Variants in SERPINB11 observed in about 807,000 individuals in gnomAD.
SERPINB11 encodes serpin B11.
SERPINB11 carries 32 observed loss-of-function variants against 36.7 expected under a neutral mutation model. The observed-to-expected ratio is 0.87, with a 90% CI of 0.66 to 1.17. The LOEUF is 1.17. Among genes scored for constraint, SERPINB11 ranks in the 50% most tolerant of loss-of-function variants. The pLI is 0.00. For synonymous variants in SERPINB11, 174 were observed against 168.1 expected, an observed-to-expected ratio of 1.04 and a Z score of -0.27; for missense variants, 528 against 458.4, an observed-to-expected ratio of 1.15 and a Z score of -1.39.
intron 4 of SERPINB11, among the ~76,000 whole-genome samples, chr18:63,715,626 CA>C (rs1363046562): frequency 1.3e-5 from 2 of 152,154 alleles, no homozygotes; most frequent in African/African-American, 4.8e-5. Context: ...TGTTAGACCT[CA>C]GAAAAGCAAG....
chr18:63,711,893 G>C (rs956820476), intron 3 of SERPINB11, among the ~76,000 whole-genome samples: 3 of 152,054 alleles, frequency 2.0e-5, no homozygotes, highest in Admixed American at 2.0e-4. Flanking sequence ...GTTTGATTAC[G>C]ATTGGTTGAG....
chr18:63,708,450 G>A (rs943886749), intron 1 of SERPINB11, among the ~76,000 whole-genome samples: 1 of 152,100 alleles, frequency 6.6e-6, no homozygotes, highest in South Asian at 2.1e-4. Context: ...TTCCAAAGAT[G>A]GGGAAAACAG....
chr18:63,708,827 A>G (rs1417916955), intron 1 of SERPINB11, among the ~76,000 whole-genome samples: 1 of 152,196 alleles, frequency 6.6e-6, no homozygotes, highest in Non-Finnish European at 1.5e-5. Context: ...AAGAGGCTCA[A>G]GATCTGAATT....
At position 63,720,818 on chromosome 18, in the gene SERPINB11, T is replaced by C. The variant is rs7239229; in HGVS notation, c.619-13T>C. The C allele has an allele frequency of 0.31, 477,659 of 1,535,726 alleles. 79,734 individuals are homozygous for C. Among genetic ancestry groups the C allele is most frequent in the East Asian group, 0.59 (23,996 of 40,854 alleles). On this transcript the variant is annotated splice_polypyrimidine_tract_variant and intron_variant, in intron 6 of 7. Coordinates refer to ENST00000544088, the MANE Select transcript of SERPINB11 (RefSeq NM_001370475.1). Reference sequence around the variant, plus strand: ...CATATGTAAGTATACTATAATCTTTTTCTTCTTAACAGGGTAAAAATGTAA... The same window carrying C: ...CATATGTAAGTATACTATAATCTTTCTCTTCTTAACAGGGTAAAAATGTAA...
intron 2 of SERPINB11, 117 bp downstream of exon 2, chr18:63,710,478 A>G (rs1356615794): frequency 2.8e-6 from 2 of 726,260 alleles, no homozygotes; most frequent in African/African-American, 3.6e-5. Flanking sequence ...AGAGAGAAAA[A>G]ACACATTGAA....
At chr18:63,713,107 T>G (rs1430420845) in intron 4 of SERPINB11, among the ~76,000 whole-genome samples, 1 of 152,192 alleles carries the variant, frequency 6.6e-6, no homozygotes, top group East Asian at 1.9e-4. Flanking sequence ...TATATAACTT[T>G]GGGCAAGTCA....
chr18:63,702,540 G>T (rs972855859), upstream of SERPINB11, among the ~76,000 whole-genome samples: 4 of 152,092 alleles, frequency 2.6e-5, no homozygotes, highest in Non-Finnish European at 2.9e-5. Flanking sequence ...GCAGTGAGCT[G>T]AGATCACACC....
intron 5 of SERPINB11, among the ~76,000 whole-genome samples, chr18:63,716,711 G>A (rs938908047): frequency 2.5e-4 from 38 of 151,666 alleles, no homozygotes; most frequent in African/African-American, 2.2e-4. Flanking sequence ...TAATACAACC[G>A]CTACAATTCA....
intron 1 of SERPINB11, chr18:63,705,863 T>A (rs933065332): frequency 6.6e-6 from 1 of 152,230 alleles, no homozygotes; most frequent in Non-Finnish European, 1.5e-5. Context: ...GAAGAGCAAC[T>A]GACTTGGATA....
intron 7 of SERPINB11, 130 bp downstream of exon 7, chr18:63,721,116 G>T: frequency 2.2e-6 from 2 of 904,476 alleles, no homozygotes; most frequent in South Asian, 1.8e-5. Context: ...TAGTAGGATT[G>T]TCCCGGGGGT....
chr18:63,715,920 G>A, intron 4 of SERPINB11, 115 bp from the exon 5 acceptor site: 1 of 592,342 alleles, frequency 1.7e-6, no homozygotes, highest in Non-Finnish European at 3.0e-6. Context: ...TCTCAGACTT[G>A]TTTATGGGAA....
intron 7 of SERPINB11, among the ~76,000 whole-genome samples, 154 bp from the exon 8 acceptor site, chr18:63,722,841 G>A (rs1235094515): frequency 6.6e-6 from 1 of 152,100 alleles, no homozygotes; most frequent in East Asian, 1.9e-4. Context: ...TGTGGCTAAT[G>A]GTATGATTTT....
rs1468197277 is a variant in SERPINB11, at chr18:63,710,237, T to G, written c.44T>G (p.Val15Gly). Residue 15 changes from valine to glycine, a missense_variant, in exon 2 of 8, where the codon GTG (valine) becomes GGG (glycine). Val to Gly is a moderately radical substitution (Grantham distance 109). Coordinates refer to ENST00000544088, the MANE Select transcript of SERPINB11 (RefSeq NM_001370475.1). ...STANVEFCLD[V>G]FKELNSNNIG... The stretch of plus-strand genomic sequence containing the variant: ...GCTAACGTTGAATTTTGCCTTGATG[T>G]GTTCAAAGAGCTGAACAGTAACAAC... 1 of 1,613,146 alleles carries G rather than the reference T, an allele frequency of 6.2e-7. No individual in the cohort carries two copies. Among genetic ancestry groups the G allele is most frequent in the East Asian group, 2.2e-5 (1 of 44,798 alleles).
chr18:63,721,482 C>T (rs1198337949), intron 7 of SERPINB11, among the ~76,000 whole-genome samples: 4 of 152,158 alleles, frequency 2.6e-5, no homozygotes, highest in Admixed American at 2.0e-4. Flanking sequence ...TGGATCCAAC[C>T]CCCTTTCCCC....
intron 4 of SERPINB11, among the ~76,000 whole-genome samples, chr18:63,714,716 C>T (rs933764727): frequency 2.4e-4 from 37 of 152,086 alleles, no homozygotes; most frequent in African/African-American, 7.0e-4. Context: ...CCCTGAACAT[C>T]GCTGTTATCC....
intron 4 of SERPINB11, among the ~76,000 whole-genome samples, chr18:63,715,002 A>C (rs1914630295): frequency 6.6e-6 from 1 of 152,182 alleles, no homozygotes; most frequent in Admixed American, 6.5e-5. Context: ...AATTTGAGGA[A>C]CTAATAAATG....
At chr18:63,719,924 A>C in intron 5 of SERPINB11, 89 bp from the exon 6 acceptor site, 1 of 1,087,896 alleles carries the variant, frequency 9.2e-7, no homozygotes, top group Non-Finnish European at 1.3e-6. Context: ...AGTCTTAAAA[A>C]AGAAATGGCT....
At position 63,710,255 on chromosome 18, in the gene SERPINB11, G is replaced by A. The variant is rs964077675; in HGVS notation, c.62G>A (p.Ser21Asn). The A allele has an allele frequency of 1.4e-5, 22 of 1,613,568 alleles. No individual in the cohort carries two copies. The highest frequency in any genetic ancestry group is 1.7e-5 in the Admixed American group (1 of 59,978). ...CTTGATGTGTTCAAAGAGCTGAACA[G>A]TAACAACATAGGAGATAACATCTTC... Reference protein sequence around the residue: ...FCLDVFKELNSNNIGDNIFFS... With the variant: ...FCLDVFKELNNNNIGDNIFFS... Residue 21 changes from serine (S) to asparagine (N), a missense_variant, in exon 2 of 8, where the codon AGT becomes AAT. Ser to Asn is a conservative substitution (Grantham distance 46). Coordinates refer to ENST00000544088, the MANE Select transcript of SERPINB11 (RefSeq NM_001370475.1).
intron 5 of SERPINB11, among the ~76,000 whole-genome samples, chr18:63,718,797 A>G (rs2144547693): frequency 6.6e-6 from 1 of 152,214 alleles, no homozygotes; most frequent in East Asian, 1.9e-4. Context: ...AGGTGACCAG[A>G]TTAAAATATA....
Sources: allele counts gnomAD v4.1 joint callset (sites outside exome capture counted in the v4.1 genomes callset), GRCh38; gene constraint gnomAD v4.1.1; transcripts MANE v1.5; gene names NCBI Gene and HGNC (gene_info 2026-07-23, HGNC 2026-07-21).